B3GLCT: variants seen among roughly 807,000 people sequenced by gnomAD.
B3GLCT encodes beta 3-glucosyltransferase, also known as beta-1,3-glucosyltransferase.
In B3GLCT, 65 loss-of-function variants were observed where a neutral mutation model predicts 63.4. The observed-to-expected ratio is 1.03, with a 90% CI of 0.84 to 1.26. The LOEUF is 1.26. Ranked by LOEUF, B3GLCT falls within the 50% of genes most tolerant of loss-of-function variation. The probability of loss-of-function intolerance (pLI) is 0.00; values close to 1 mark genes in which losing one functional copy is unlikely to be tolerated. For synonymous variants in B3GLCT, 233 were observed against 219.2 expected (o/e 1.06, Z -0.55); for missense variants, 577 against 604.8 (o/e 0.95, Z 0.48).
chr13:31,298,997 G>A (rs994528361), intron 12 of B3GLCT, among the ~76,000 whole-genome samples: 1 of 152,126 alleles, frequency 6.6e-6, no homozygotes, highest in South Asian at 2.1e-4. Context: ...CAAGTAGGAG[G>A]GAAAGAAAAG....
rs1555254601 is a variant in B3GLCT at position 31,308,362 on chromosome 13, A to AAAC, written c.1065-9202_1065-9201insCAA. ...AAAAAAAAATTAAAAAAAAAAAAAC[A>AAAC]AAAAAAAAAGCTAGTCCCACATGGC... On this transcript the variant is annotated intron_variant, in intron 12 of 14. Coordinates refer to ENST00000343307, the MANE Select transcript of B3GLCT (RefSeq NM_194318.4). Among the ~76,000 whole-genome samples, 23 of 61,886 alleles carry AAAC rather than the reference A, an allele frequency of 3.7e-4. 2 individuals are homozygous for AAAC. Among genetic ancestry groups the AAAC allele is most frequent in the South Asian group, 1.5e-3 (2 of 1,338 alleles). The allele number at this position is 61,886 out of a possible 152,430, so 40.6% of individuals were successfully genotyped here.
chr13:31,246,076 T>C (rs1258970524), intron 4 of B3GLCT, among the ~76,000 whole-genome samples: 1 of 152,242 alleles, frequency 6.6e-6, no homozygotes, highest in Non-Finnish European at 1.5e-5. Flanking sequence ...CTATGAACTT[T>C]AAGACAGCTG....
At position 31,244,199 on chromosome 13, in the gene B3GLCT, A is replaced by C. The variant is rs1417248444; in HGVS notation, c.271-2824A>C. On this transcript the variant is annotated intron_variant, in intron 4 of 14. Transcript: ENST00000343307. ...TATTCAGCCAGTTACTTATTTAAAA[A>C]CTTGCTTTGAGACTGGGCACGGTGG... Among the ~76,000 whole-genome samples the C allele has an allele frequency of 2.6e-5, 4 of 152,316 alleles. No individual in the cohort carries two copies. In the East Asian group the frequency reaches 7.7e-4, roughly 29 times the overall value.
At chr13:31,217,091 C>T (rs1869601422) in intron 2 of B3GLCT, among the ~76,000 whole-genome samples, 1 of 152,210 alleles carries the variant, frequency 6.6e-6, no homozygotes, top group East Asian at 1.9e-4. Context: ...TTCTCTGCAA[C>T]CTTGCCAGCA....
intron 4 of B3GLCT, among the ~76,000 whole-genome samples, chr13:31,230,561 A>G (rs1870326174): frequency 6.6e-6 from 1 of 152,264 alleles, no homozygotes; most frequent in South Asian, 2.1e-4. Context: ...TGCTTTATAT[A>G]TAAACTGTAT....
chr13:31,211,083 T>G (rs1294578946), intron 1 of B3GLCT, among the ~76,000 whole-genome samples: 2 of 152,094 alleles, frequency 1.3e-5, no homozygotes, highest in Non-Finnish European at 2.9e-5. Flanking sequence ...TTATTTAGAT[T>G]ACACAAATTT....
At chr13:31,272,172 C>T (rs1872596607) in intron 8 of B3GLCT, among the ~76,000 whole-genome samples, 1 of 149,764 alleles carries the variant, frequency 6.7e-6, no homozygotes, top group Admixed American at 6.7e-5. Context: ...ATATATTTGA[C>T]TTCTATCACT....
At chr13:31,246,543 T>C (rs2137803887) in intron 4 of B3GLCT, among the ~76,000 whole-genome samples, 1 of 152,296 alleles carries the variant, frequency 6.6e-6, no homozygotes, top group Admixed American at 6.5e-5. Flanking sequence ...AAAAGTAAAG[T>C]AATTTTTGCA....
intron 1 of B3GLCT, among the ~76,000 whole-genome samples, chr13:31,212,048 C>G (rs1869286849): frequency 6.6e-6 from 1 of 152,000 alleles, no homozygotes; most frequent in African/African-American, 2.4e-5. Context: ...AATTGTAACC[C>G]CAGAGATATT....
chr13:31,200,084 G>A lies in B3GLCT; in HGVS notation c.-1G>A. The stretch of plus-strand genomic sequence containing the variant: ...TAGGGCGCTCAGCCTCCGCCGCCAG[G>A]ATGCGGCCGCCCGCCTGCTGGTGGC... On this transcript the variant is annotated 5_prime_UTR_variant, in exon 1 of 15. Coordinates refer to ENST00000343307, the MANE Select transcript of B3GLCT (RefSeq NM_194318.4). 7.3e-7 allele frequency: 1 copy of A among 1,371,010 alleles called. No homozygotes were observed. Among genetic ancestry groups the A allele is most frequent in the Non-Finnish European group, 9.5e-7 (1 of 1,051,950 alleles). 84.9% of individuals were successfully genotyped at this position (1,371,010 alleles called of 1,614,324 possible). A position where few individuals can be genotyped will look rare whatever the true frequency, so the allele number is the denominator to read the frequency against.
Position 31,260,998 on chromosome 13 carries a change from A to G in B3GLCT, c.512A>G (p.His171Arg). The change falls in exon 7 of 15, where the codon CAT becomes CGT. Residue 171 changes from histidine (H) to arginine (R), a missense_variant. His to Arg is a conservative substitution (Grantham distance 29, BLOSUM62 0). Coordinates refer to ENST00000343307, the MANE Select transcript of B3GLCT (RefSeq NM_194318.4). ...LHDEEATIIH[H>R]YAFSENPTVF... The stretch of plus-strand genomic sequence containing the variant: ...GATGAAGAAGCTACAATAATTCACC[A>G]TTATGCCTTTTCCGAGAATCCTACA... 6.2e-7 allele frequency: 1 copy of G among 1,613,976 alleles called. No individual in the cohort carries two copies. Among genetic ancestry groups the G allele is most frequent in the Non-Finnish European group, 8.5e-7 (1 of 1,179,930 alleles).
intron 1 of B3GLCT, among the ~76,000 whole-genome samples, chr13:31,203,999 G>A (rs911738438): frequency 2.0e-5 from 3 of 152,340 alleles, no homozygotes; most frequent in Middle Eastern, 3.4e-3. Flanking sequence ...GTCAGGCATC[G>A]TGATATTGCA....
In B3GLCT at chr13:31,329,809, G is replaced by T; in HGVS notation, c.*141G>T. 1.1e-6 allele frequency: 1 copy of T among 912,476 alleles called. No homozygotes were observed. The allele number at this position is 912,476 out of a possible 1,614,324, so 56.5% of individuals were successfully genotyped here. A position where few individuals can be genotyped will look rare whatever the true frequency, so the allele number is the denominator to read the frequency against. On this transcript the variant is annotated 3_prime_UTR_variant, in exon 15 of 15. Transcript: ENST00000343307. Reference sequence around the variant, plus strand: ...GACTTTAGGGGGAGATTTTATGTATGGTATTTTTTGACAGAGGAAGAAAAG... The same window carrying T: ...GACTTTAGGGGGAGATTTTATGTATTGTATTTTTTGACAGAGGAAGAAAAG...
At chr13:31,224,141 A>G (rs1424844026) in intron 3 of B3GLCT, among the ~76,000 whole-genome samples, 1 of 152,104 alleles carries the variant, frequency 6.6e-6, no homozygotes, top group Non-Finnish European at 1.5e-5. Flanking sequence ...TAGGGCCCAC[A>G]GGGGAGTGTT....
chr13:31,248,210 A>G (rs777672128), intron 6 of B3GLCT, among the ~76,000 whole-genome samples: 2 of 152,232 alleles, frequency 1.3e-5, no homozygotes, highest in South Asian at 4.1e-4. Context: ...TGTGTTAGCA[A>G]TTTCAGAGAG....
At chr13:31,274,414 A>G (rs1872691061) in intron 8 of B3GLCT, 95 bp from the exon 9 acceptor site, 1 of 1,497,990 alleles carries the variant, frequency 6.7e-7, no homozygotes, top group East Asian at 2.3e-5. Flanking sequence ...TCTCTATGGA[A>G]GATGTGTTCT....
chr13:31,233,171 G>A (rs1474554534), intron 4 of B3GLCT, among the ~76,000 whole-genome samples: 1 of 152,090 alleles, frequency 6.6e-6, no homozygotes, highest in Non-Finnish European at 1.5e-5. Context: ...TTTTATTCCT[G>A]TTAACTCTTA....
rs1868543575 is a variant in B3GLCT, at chr13:31,200,001, G to C, written c.-84G>C. 3.7e-6 allele frequency: 3 copies of C among 816,420 alleles called. No individual in the cohort carries two copies. The highest frequency in any genetic ancestry group is 3.6e-5 in the African/African-American group (2 of 54,892). 50.6% of individuals were successfully genotyped at this position (816,420 alleles called of 1,614,324 possible). On this transcript the variant is annotated 5_prime_UTR_variant, in exon 1 of 15. Coordinates refer to ENST00000343307, the MANE Select transcript of B3GLCT (RefSeq NM_194318.4). ...GAGAAGGGTCAGCCGCGGCGGCAGGGCGGCGGCGGCAGCGGCGCAGCTCCG... is the reference window on the plus strand; with the variant it reads ...GAGAAGGGTCAGCCGCGGCGGCAGGCCGGCGGCGGCAGCGGCGCAGCTCCG...
At position 31,312,875 on chromosome 13, in the gene B3GLCT, A is replaced by G. The variant is rs569275505; in HGVS notation, c.1065-4691A>G. ...GCAAACTTCTTGTAGAGAACAGCAG[A>G]TCAGATTTTTACACCACTCTTATTA... is the stretch of plus-strand genomic sequence containing the variant. On this transcript the variant is annotated intron_variant, in intron 12 of 14. Coordinates refer to ENST00000343307, the MANE Select transcript of B3GLCT (RefSeq NM_194318.4). The G allele has an allele frequency of 4.6e-5, 7 of 152,380 alleles. No homozygotes were observed. In the South Asian group the frequency reaches 1.0e-3, roughly 23 times the overall value. The allele number at this position is 152,380 out of a possible 1,614,324, so 9.4% of individuals were successfully genotyped here.
Sources: allele counts gnomAD v4.1 joint callset (sites outside exome capture counted in the v4.1 genomes callset), GRCh38; gene constraint gnomAD v4.1.1; transcripts MANE v1.5; gene names NCBI Gene and HGNC (gene_info 2026-07-23, HGNC 2026-07-21).